Variants in KLRD1 observed in about 807,000 individuals in gnomAD.
KLRD1 encodes the protein killer cell lectin like receptor D1.
In KLRD1, 21 loss-of-function variants were observed where a neutral mutation model predicts 22.6. That is an observed-to-expected ratio of 0.93 (90% CI 0.66 to 1.34). The LOEUF is 1.34. Ranked by LOEUF, KLRD1 falls within the 40% of genes most tolerant of loss-of-function variation. The pLI, the probability that KLRD1 is intolerant of heterozygous loss-of-function variation, is 0.00. For missense variants in KLRD1, 183 were observed against 208.6 expected (o/e 0.88, Z 0.76); for synonymous variants, 59 against 71.1 (o/e 0.83, Z 0.85).
intron 1 of KLRD1, among the ~76,000 whole-genome samples, chr12:10,246,279 A>G (rs1253680583): frequency 1.3e-5 from 2 of 152,082 alleles, no homozygotes; most frequent in African/African-American, 4.8e-5. Context: ...TCCCATATAC[A>G]CACATTTTGT....
rs1373726046 is a variant in KLRD1, at chr12:10,328,101, G to A, written c.*13308G>A. ...AGGATTTTTGCATCTACGTTTACTAGACATATTGGCTTATAGTTTTCTTGT... is the reference window on the plus strand; with the variant it reads ...AGGATTTTTGCATCTACGTTTACTAAACATATTGGCTTATAGTTTTCTTGT... On this transcript the variant is annotated 3_prime_UTR_variant, in exon 6 of 6. Coordinates refer to ENST00000336164, the MANE Select transcript of KLRD1 (RefSeq NM_002262.5). The A allele has an allele frequency of 6.6e-6, 1 of 152,136 alleles. No individual in the cohort carries two copies. Among genetic ancestry groups the A allele is most frequent in the Non-Finnish European group, 1.5e-5 (1 of 68,002 alleles). 9.4% of individuals were successfully genotyped at this position (152,136 alleles called of 1,614,324 possible).
intron 1 of KLRD1, among the ~76,000 whole-genome samples, chr12:10,250,201 C>CTT (rs137861212): frequency 4.2e-5 from 4 of 94,548 alleles, no homozygotes; most frequent in African/African-American, 1.7e-4. Context: ...TAACGTTTTG[C>CTT]TTTTTTTTTT....
chr12:10,258,299 A>AT (rs1346621318), intron 1 of KLRD1, among the ~76,000 whole-genome samples: 21 of 151,936 alleles, frequency 1.4e-4, no homozygotes, highest in Non-Finnish European at 3.1e-4. Context: ...CACTATCCCT[A>AT]TTTTTTTATC....
At chr12:10,245,409 C>T (rs1008608274) in intron 1 of KLRD1, among the ~76,000 whole-genome samples, 2 of 152,028 alleles carry the variant, frequency 1.3e-5, no homozygotes, top group African/African-American at 2.4e-5. Flanking sequence ...AGCTCAATTC[C>T]GCCTAGCTAG....
intron 1 of KLRD1, among the ~76,000 whole-genome samples, chr12:10,287,437 A>G (rs1354162668): frequency 6.6e-6 from 1 of 152,222 alleles, no homozygotes; most frequent in Non-Finnish European, 1.5e-5. Context: ...TATACAAATA[A>G]TGAGAGCATT....
intron 1 of KLRD1, among the ~76,000 whole-genome samples, chr12:10,287,598 A>C (rs539956135): frequency 2.0e-5 from 3 of 152,358 alleles, no homozygotes; most frequent in Admixed American, 1.3e-4. Flanking sequence ...ATATATAAAC[A>C]GATACTTTTA....
upstream of KLRD1, chr12:10,304,497 C>G (rs188723728): frequency 6.6e-6 from 1 of 152,214 alleles, no homozygotes; most frequent in East Asian, 1.9e-4. Flanking sequence ...CTCAGCTCAT[C>G]AAGTTCAAGA....
At chr12:10,277,123 T>TG (rs1276992892) in intron 1 of KLRD1, among the ~76,000 whole-genome samples, 11 of 150,442 alleles carry the variant, frequency 7.3e-5, no homozygotes, top group African/African-American at 2.4e-4. Flanking sequence ...AGTTTTTTTT[T>TG]TTTTTTTTTT....
At chr12:10,306,724 C>T (rs1949936058), upstream of KLRD1, among the ~76,000 whole-genome samples, 1 of 152,106 alleles carries the variant, frequency 6.6e-6, no homozygotes, top group South Asian at 2.1e-4. Context: ...AGATTTTACG[C>T]TTATATTCTT....
At chr12:10,269,754 T>C (rs1447854600) in intron 1 of KLRD1, among the ~76,000 whole-genome samples, 2 of 152,170 alleles carry the variant, frequency 1.3e-5, no homozygotes, top group African/African-American at 4.8e-5. Flanking sequence ...ATGAATCAAA[T>C]TCATCTTAAC....
intron 1 of KLRD1, among the ~76,000 whole-genome samples, chr12:10,285,413 T>C (rs1241870572): frequency 6.6e-6 from 1 of 152,230 alleles, no homozygotes; most frequent in African/African-American, 2.4e-5. Context: ...ACCATCTTTA[T>C]GTCTAGTCTG....
chr12:10,283,467 A>G (rs1949666536), intron 1 of KLRD1, among the ~76,000 whole-genome samples: 1 of 152,226 alleles, frequency 6.6e-6, no homozygotes, highest in African/African-American at 2.4e-5. Flanking sequence ...AGACTTAACA[A>G]TATTGTATTG....
At chr12:10,303,822 T>C (rs1949887268), upstream of KLRD1, among the ~76,000 whole-genome samples, 1 of 152,054 alleles carries the variant, frequency 6.6e-6, no homozygotes, top group South Asian at 2.1e-4. Context: ...CTGAGATCCA[T>C]TGGTATGAGG....
intron 1 of KLRD1, among the ~76,000 whole-genome samples, chr12:10,246,800 C>T (rs1949295155): frequency 6.6e-6 from 1 of 152,028 alleles, no homozygotes; most frequent in East Asian, 1.9e-4. Flanking sequence ...TATTTCACAT[C>T]TGTTAGTCTG....
chr12:10,327,013 T>G lies in KLRD1; in HGVS notation c.*12220T>G, dbSNP rs543508568. 1.1e-4 allele frequency: 16 copies of G among 152,314 alleles called. No homozygotes were observed. Among genetic ancestry groups the G allele is most frequent in the African/African-American group, 3.8e-4 (16 of 41,584 alleles). 9.4% of individuals were successfully genotyped at this position (152,314 alleles called of 1,614,324 possible). A position where few individuals can be genotyped will look rare whatever the true frequency, so the allele number is the denominator to read the frequency against. On this transcript the variant is annotated 3_prime_UTR_variant, in exon 6 of 6. Transcript: ENST00000336164. ...CAATGTCAAAAGGTTTTCCTCTATGTTTTCTTTGAAGGGCTTTACATTTTC... is the reference window on the plus strand; with the variant it reads ...CAATGTCAAAAGGTTTTCCTCTATGGTTTCTTTGAAGGGCTTTACATTTTC...
intron 1 of KLRD1, among the ~76,000 whole-genome samples, chr12:10,269,719 G>A (rs1489807424): frequency 6.6e-6 from 1 of 151,580 alleles, no homozygotes; most frequent in African/African-American, 2.4e-5. Context: ...GCCTCCATAT[G>A]TTTTGGGTTG....
At chr12:10,243,631 A>AAAACCAAAAAAAAAAAAAG (rs771543645) in intron 1 of KLRD1, among the ~76,000 whole-genome samples, 1 of 118,720 alleles carries the variant, frequency 8.4e-6, no homozygotes, top group Non-Finnish European at 1.6e-5. Flanking sequence ...AAAAAAAAAA[A>AAAACCAAAAAAAAAAAAAG]AACCGAAATG....
At chr12:10,298,901 A>G (rs1278300610) in intron 1 of KLRD1, among the ~76,000 whole-genome samples, 2 of 151,968 alleles carry the variant, frequency 1.3e-5, no homozygotes, top group African/African-American at 4.8e-5. Context: ...CAGATTTCCC[A>G]CTCCACAGGC....
At chr12:10,295,478 T>C (rs1033527261) in intron 1 of KLRD1, among the ~76,000 whole-genome samples, 1 of 148,556 alleles carries the variant, frequency 6.7e-6, no homozygotes, top group Non-Finnish European at 1.5e-5. Context: ...GAGAAGTCAA[T>C]ACTTTCTTAA....
Sources: gnomAD v4.1 joint callset for allele counts (sites outside exome capture counted in the v4.1 genomes callset) on GRCh38, gnomAD v4.1.1 for gene constraint, MANE v1.5 for transcripts, NCBI Gene and HGNC (gene_info 2026-07-23, HGNC 2026-07-21) for gene names.